The following RIN3 variants were observed in gnomAD, a reference collection of about 807,000 sequenced individuals.
RIN3 encodes Ras and Rab interactor 3, also known as RAB5 interacting protein 3.
A neutral mutation model predicts 76.3 loss-of-function variants in RIN3; 54 were observed. The observed-to-expected ratio is 0.71, with a 90% CI of 0.57 to 0.89. The LOEUF is 0.89. Among genes scored for constraint, RIN3 ranks in the 40% least tolerant of loss-of-function variants. RIN3 has a pLI of 0.00. For synonymous variants in RIN3, 576 were observed against 564.0 expected, an observed-to-expected ratio of 1.02 and a Z score of -0.30; for missense variants, 1,256 against 1,322.1, an observed-to-expected ratio of 0.95 and a Z score of 0.78.
At chr14:92,662,836 ATTTT>A (rs5810608) in intron 7 of RIN3, among the ~76,000 whole-genome samples, 1 of 148,542 alleles carries the variant, frequency 6.7e-6, no homozygotes, top group Non-Finnish European at 1.5e-5. Flanking sequence ...AAACAGCATG[ATTTT>A]TTTTTTTTTT....
intron 1 of RIN3, among the ~76,000 whole-genome samples, chr14:92,534,674 G>C (rs1031497937): frequency 6.6e-6 from 1 of 152,016 alleles, no homozygotes; most frequent in African/African-American, 2.4e-5. Context: ...TAGGGACAGA[G>C]GTCCTTCCCC....
intron 4 of RIN3, among the ~76,000 whole-genome samples, chr14:92,626,884 G>T (rs538690034): frequency 6.6e-6 from 1 of 152,186 alleles, no homozygotes; most frequent in East Asian, 1.9e-4. Context: ...TCCAGAAGAG[G>T]GCATAGTCTC....
intron 1 of RIN3, among the ~76,000 whole-genome samples, chr14:92,518,736 G>A (rs983633829): frequency 1.3e-5 from 2 of 151,696 alleles, no homozygotes; most frequent in African/African-American, 2.4e-5. Context: ...GGCATCAGTG[G>A]GTCCCAAATG....
chr14:92,518,446 C>A (rs1485303601), intron 1 of RIN3, among the ~76,000 whole-genome samples: 1 of 152,164 alleles, frequency 6.6e-6, no homozygotes, highest in Non-Finnish European at 1.5e-5. Flanking sequence ...GGGGGAGACC[C>A]AGGGCTTGGG....
chr14:92,622,450 C>T (rs1291057383), intron 4 of RIN3, among the ~76,000 whole-genome samples: 1 of 152,208 alleles, frequency 6.6e-6, no homozygotes, highest in Admixed American at 6.5e-5. Context: ...CTGTTAGAAA[C>T]AAATTTTCAG....
At chr14:92,536,830 G>C (rs1897013414) in intron 1 of RIN3, among the ~76,000 whole-genome samples, 1 of 148,960 alleles carries the variant, frequency 6.7e-6, no homozygotes, top group African/African-American at 2.5e-5. Context: ...ACTATGTCTT[G>C]GTTTCTTCCT....
intron 7 of RIN3, among the ~76,000 whole-genome samples, chr14:92,662,940 A>T (rs566945159): frequency 1.3e-5 from 2 of 151,990 alleles, no homozygotes; most frequent in African/African-American, 4.8e-5. Context: ...CCTCCTGAGT[A>T]GCTGGGACTA....
intron 3 of RIN3, among the ~76,000 whole-genome samples, chr14:92,613,773 C>T (rs1885840759): frequency 6.6e-6 from 1 of 152,220 alleles, no homozygotes; most frequent in Non-Finnish European, 1.5e-5. Context: ...GACCTGGAAG[C>T]CGGGTCCTGC....
chr14:92,657,860 G>A (rs1379815948), intron 6 of RIN3, among the ~76,000 whole-genome samples: 6 of 152,184 alleles, frequency 3.9e-5, no homozygotes, highest in Non-Finnish European at 7.4e-5. Context: ...GAGTGGCAGG[G>A]AAGGGCTGTC....
intron 1 of RIN3, among the ~76,000 whole-genome samples, chr14:92,533,700 A>T (rs77177258): frequency 0.036 from 5,534 of 152,076 alleles, 300 homozygotes; most frequent in African/African-American, 0.13. Context: ...AATACAATGG[A>T]CTCTGGGGAC....
At chr14:92,628,576 A>T (rs904622302) in intron 4 of RIN3, among the ~76,000 whole-genome samples, 1 of 152,124 alleles carries the variant, frequency 6.6e-6, no homozygotes, top group Non-Finnish European at 1.5e-5. Flanking sequence ...GACTTTTAGC[A>T]TCCTTGTAAT....
intron 2 of RIN3, among the ~76,000 whole-genome samples, chr14:92,567,097 C>A (rs1364650131): frequency 2.0e-5 from 3 of 152,124 alleles, no homozygotes; most frequent in African/African-American, 7.2e-5. Flanking sequence ...CTCAGGAGGT[C>A]ATTTTACTTC....
At chr14:92,670,785 C>G (rs1888262693) in intron 7 of RIN3, among the ~76,000 whole-genome samples, 1 of 152,174 alleles carries the variant, frequency 6.6e-6, no homozygotes, top group African/African-American at 2.4e-5. Flanking sequence ...CAGCTCGCAC[C>G]AGCTCGTGGG....
At chr14:92,588,714 A>G (rs1884870908) in intron 3 of RIN3, among the ~76,000 whole-genome samples, 1 of 152,168 alleles carries the variant, frequency 6.6e-6, no homozygotes, top group African/African-American at 2.4e-5. Context: ...AAAGGAGGCA[A>G]CATCTGGGCA....
intron 9 of RIN3, chr14:92,686,948 C>T (rs529346292): frequency 1.3e-5 from 2 of 152,254 alleles, no homozygotes; most frequent in Non-Finnish European, 2.9e-5. Context: ...CCCCGTGAAG[C>T]TCTTGACAGG....
At chr14:92,549,343 T>C (rs35798313) in intron 1 of RIN3, among the ~76,000 whole-genome samples, 12,572 of 152,176 alleles carry the variant, frequency 0.083, 922 homozygotes, top group East Asian at 0.4. Flanking sequence ...TGAGGCTGCA[T>C]TGGAACTCTC....
intron 8 of RIN3, 57 bp downstream of exon 8, chr14:92,676,663 CA>C: frequency 6.3e-7 from 1 of 1,583,738 alleles, no homozygotes; most frequent in Non-Finnish European, 8.6e-7. Context: ...TCAGCCACGC[CA>C]CGGGCACTCT....
chr14:92,682,570 C>A (rs563158061), intron 8 of RIN3, among the ~76,000 whole-genome samples: 1 of 152,288 alleles, frequency 6.6e-6, no homozygotes, highest in East Asian at 1.9e-4. Context: ...CAGAAGACAG[C>A]TGCAGTGCCC....
At chr14:92,657,891 G>A (rs1365739875) in intron 6 of RIN3, among the ~76,000 whole-genome samples, 2 of 152,214 alleles carry the variant, frequency 1.3e-5, no homozygotes, top group African/African-American at 4.8e-5. Context: ...TTGAGACCCA[G>A]CCCCGTGGGA....
Sources: allele counts gnomAD v4.1 joint callset (sites outside exome capture counted in the v4.1 genomes callset), GRCh38; gene constraint gnomAD v4.1.1; transcripts MANE v1.5; gene names NCBI Gene and HGNC (gene_info 2026-07-23, HGNC 2026-07-21).